The following SCHIP1 variants were observed in gnomAD, a reference collection of about 807,000 sequenced individuals.
SCHIP1 encodes schwannomin-interacting protein 1.
SCHIP1 carries 8 observed loss-of-function variants against 29.7 expected under a neutral mutation model. That is an observed-to-expected ratio of 0.27 (90% CI 0.16 to 0.49). The LOEUF (loss-of-function observed/expected upper bound fraction) is 0.49. Among genes scored for constraint, SCHIP1 ranks in the 20% least tolerant of loss-of-function variants. The pLI is 0.99. For missense variants in SCHIP1, 193 were observed against 294.6 expected (o/e 0.66, Z 2.52); for synonymous variants, 76 against 94.9 (o/e 0.80, Z 1.16).
the SCHIP1 span, among the ~76,000 whole-genome samples, chr3:159,644,585 A>C: frequency 5.2e-3 from 798 of 152,242 alleles, 9 homozygotes; most frequent in African/African-American, 0.019. Context: ...ACAATTAGCT[A>C]AAATGCTCAT....
chr3:159,636,485 T>C, the SCHIP1 span, among the ~76,000 whole-genome samples: 1 of 152,206 alleles, frequency 6.6e-6, no homozygotes, highest in Non-Finnish European at 1.5e-5. Context: ...AGGAAGAAAT[T>C]AGACTTTTTT....
At chr3:159,764,910 C>A in the SCHIP1 span, 11 of 1,534,994 alleles carry the variant, frequency 7.2e-6, no homozygotes, top group South Asian at 7.4e-5. The surrounding 1 kb of genome is among the most constrained non-coding windows in gnomAD (Gnocchi z 6.1). Context: ...GTTCCCGGGG[C>A]CCCCGCCGGG....
intron 4 of SCHIP1, 70 bp downstream of exon 5, chr3:159,887,975 T>G (rs1717123177): frequency 6.4e-7 from 1 of 1,568,490 alleles, no homozygotes; most frequent in Non-Finnish European, 8.7e-7. Flanking sequence ...TCCCAGTCCT[T>G]TCCCAGAATT....
the SCHIP1 span, among the ~76,000 whole-genome samples, chr3:159,579,980 A>G: frequency 6.6e-6 from 1 of 152,140 alleles, no homozygotes; most frequent in Non-Finnish European, 1.5e-5. Flanking sequence ...ACACAAAATA[A>G]CTTGTGTTCA....
At chr3:159,629,893 G>T in the SCHIP1 span, among the ~76,000 whole-genome samples, 1 of 152,178 alleles carries the variant, frequency 6.6e-6, no homozygotes, top group Non-Finnish European at 1.5e-5. Flanking sequence ...AGCCCAGGAG[G>T]GAGGACAGAC....
the SCHIP1 span, among the ~76,000 whole-genome samples, chr3:159,653,519 T>C: frequency 5.1e-5 from 7 of 136,864 alleles, no homozygotes; most frequent in African/African-American, 1.7e-4. Context: ...TTCTCACTTA[T>C]AAGTGGGAGT....
the SCHIP1 span, among the ~76,000 whole-genome samples, chr3:159,532,123 G>T: frequency 6.6e-6 from 1 of 152,026 alleles, no homozygotes; most frequent in Non-Finnish European, 1.5e-5. Flanking sequence ...TCATATGATT[G>T]TCTTGCTGTG....
chr3:159,815,556 G>A, the SCHIP1 span, among the ~76,000 whole-genome samples: 5 of 152,276 alleles, frequency 3.3e-5, no homozygotes, highest in South Asian at 4.1e-4. Context: ...TAGTGATGTC[G>A]CCCATTAACA....
At chr3:159,460,047 G>A in the SCHIP1 span, among the ~76,000 whole-genome samples, 1 of 152,184 alleles carries the variant, frequency 6.6e-6, no homozygotes, top group African/African-American at 2.4e-5. Flanking sequence ...ACTGGGCACT[G>A]TCACAGGCTC....
At chr3:159,581,507 G>C in the SCHIP1 span, among the ~76,000 whole-genome samples, 1 of 152,178 alleles carries the variant, frequency 6.6e-6, no homozygotes, top group African/African-American at 2.4e-5. Flanking sequence ...CCAAACGCAA[G>C]GGTGGTGTTA....
the SCHIP1 span, among the ~76,000 whole-genome samples, chr3:159,296,982 A>AT: frequency 6.6e-6 from 1 of 151,844 alleles, no homozygotes; most frequent in African/African-American, 2.4e-5. Flanking sequence ...TATGGGTTTG[A>AT]TTTTTTTAGA....
intron 1 of SCHIP1, among the ~76,000 whole-genome samples, chr3:159,865,437 A>G (rs1324902290): frequency 6.6e-6 from 1 of 152,214 alleles, no homozygotes; most frequent in African/African-American, 2.4e-5. Context: ...AGTGTAGTTT[A>G]CCAAATCCTT....
chr3:159,588,893 G>T, the SCHIP1 span, among the ~76,000 whole-genome samples: 41 of 152,298 alleles, frequency 2.7e-4, no homozygotes, highest in South Asian at 6.2e-4. Flanking sequence ...AAGTCAGGTA[G>T]CGTGATGCCT....
the SCHIP1 span, among the ~76,000 whole-genome samples, chr3:159,649,737 G>A: frequency 6.6e-6 from 1 of 152,122 alleles, no homozygotes. Context: ...GATTTCCATT[G>A]GGTTGAAGTG....
At chr3:159,881,132 C>T (rs576891160) in intron 2 of SCHIP1, among the ~76,000 whole-genome samples, 68 of 152,306 alleles carry the variant, frequency 4.5e-4, no homozygotes, top group Non-Finnish European at 7.9e-4. Flanking sequence ...ACATCTAAAG[C>T]TTACCCAAAC....
At chr3:159,753,763 T>C in the SCHIP1 span, among the ~76,000 whole-genome samples, 1 of 152,192 alleles carries the variant, frequency 6.6e-6, no homozygotes, top group African/African-American at 2.4e-5. Context: ...CAACCCCTCC[T>C]CACTCTCCAC....
At chr3:159,322,171 TG>T in the SCHIP1 span, among the ~76,000 whole-genome samples, 1 of 151,986 alleles carries the variant, frequency 6.6e-6, no homozygotes, top group Admixed American at 6.6e-5. Flanking sequence ...TAACCTTGAG[TG>T]TGAGACACTA....
chr3:159,753,462 C>T, the SCHIP1 span, among the ~76,000 whole-genome samples: 738 of 152,220 alleles, frequency 4.8e-3, 2 homozygotes, highest in South Asian at 8.5e-3. Context: ...AAAATTGGAA[C>T]CCATCAGTGA....
the SCHIP1 span, among the ~76,000 whole-genome samples, chr3:159,761,310 G>C: frequency 1.1e-4 from 17 of 152,198 alleles, no homozygotes; most frequent in Admixed American, 4.6e-4. Context: ...TTGTACTTAC[G>C]TAGAATTGAC....
Sources: gnomAD v4.1 joint callset for allele counts (sites outside exome capture counted in the v4.1 genomes callset) on GRCh38, gnomAD v4.1.1 for gene constraint, Gnocchi (gnomAD v3.1) non-coding constraint, MANE v1.5 for transcripts, NCBI Gene and HGNC (gene_info 2026-07-23, HGNC 2026-07-21) for gene names.